The following CPNE4 variants were observed in gnomAD, a reference collection of about 807,000 sequenced individuals.
The protein encoded by CPNE4 is copine 4.
In CPNE4, 25 loss-of-function variants were observed where a neutral mutation model predicts 67.9. That is an observed-to-expected ratio of 0.37 (90% confidence interval 0.27 to 0.51). CPNE4 has a LOEUF of 0.51. Ranked by LOEUF, CPNE4 falls within the 20% of genes least tolerant of loss-of-function variation. The pLI is 0.93. For synonymous variants in CPNE4, 242 were observed against 244.9 expected (o/e 0.99, Z 0.11); for missense variants, 464 against 690.8 (o/e 0.67, Z 3.68).
At chr3:131,721,685 G>A (rs372865022) in intron 3 of CPNE4, among the ~76,000 whole-genome samples, 1 of 152,228 alleles carries the variant, frequency 6.6e-6, no homozygotes, top group South Asian at 2.1e-4. Context: ...GTGAGCCACC[G>A]CGCCTGGCCG....
At chr3:131,712,209 T>C (rs1426850659) in intron 3 of CPNE4, among the ~76,000 whole-genome samples, 1 of 152,236 alleles carries the variant, frequency 6.6e-6, no homozygotes, top group African/African-American at 2.4e-5. Flanking sequence ...ATGTTTTGCC[T>C]AACATTTATT....
chr3:131,626,304 C>T (rs1444900265), intron 7 of CPNE4, among the ~76,000 whole-genome samples: 1 of 152,144 alleles, frequency 6.6e-6, no homozygotes. Flanking sequence ...AGGCCTATTG[C>T]AACAAACGCT....
At chr3:131,807,608 A>T (rs1462358784) in intron 2 of CPNE4, among the ~76,000 whole-genome samples, 1 of 152,152 alleles carries the variant, frequency 6.6e-6, no homozygotes, top group African/African-American at 2.4e-5. Context: ...AGAAAAGTGA[A>T]ATCCCTGGGT....
At chr3:131,589,723 T>G (rs543898197) in intron 7 of CPNE4, among the ~76,000 whole-genome samples, 1 of 152,366 alleles carries the variant, frequency 6.6e-6, no homozygotes, top group East Asian at 1.9e-4. Context: ...CAAGAAAAAC[T>G]AATTTCTCAG....
intron 2 of CPNE4, among the ~76,000 whole-genome samples, chr3:131,866,324 T>C (rs2086949215): frequency 1.3e-5 from 2 of 152,210 alleles, no homozygotes; most frequent in African/African-American, 4.8e-5. Flanking sequence ...ATTCGTTTAG[T>C]GTACCACAAT....
chr3:131,687,127 C>T (rs1475688962), intron 5 of CPNE4, among the ~76,000 whole-genome samples: 1 of 152,184 alleles, frequency 6.6e-6, no homozygotes, highest in Non-Finnish European at 1.5e-5. Context: ...TCTACACTGC[C>T]TCAGGACTCT....
At chr3:131,865,590 T>C (rs2086907632) in intron 2 of CPNE4, among the ~76,000 whole-genome samples, 1 of 152,108 alleles carries the variant, frequency 6.6e-6, no homozygotes, top group Admixed American at 6.5e-5. Context: ...TGTGCCTGGC[T>C]CCTCCACTAA....
At chr3:131,813,003 A>C (rs2084596616) in intron 2 of CPNE4, among the ~76,000 whole-genome samples, 1 of 152,204 alleles carries the variant, frequency 6.6e-6, no homozygotes, top group Non-Finnish European at 1.5e-5. Context: ...ACTTATTCTG[A>C]GGTTAAAATC....
intron 2 of CPNE4, among the ~76,000 whole-genome samples, chr3:131,785,161 T>C (rs2083524633): frequency 6.6e-6 from 1 of 152,132 alleles, no homozygotes; most frequent in African/African-American, 2.4e-5. Context: ...TTAAATTATT[T>C]AATCCTTGCA....
chr3:131,654,141 T>C (rs55882570), intron 7 of CPNE4, among the ~76,000 whole-genome samples: 6,998 of 152,286 alleles, frequency 0.046, 194 homozygotes, highest in Non-Finnish European at 0.064. Flanking sequence ...CTAATATGAA[T>C]CCAAGGTTGA....
At chr3:131,920,741 G>A (rs2070720161) in intron 1 of CPNE4, among the ~76,000 whole-genome samples, 1 of 152,028 alleles carries the variant, frequency 6.6e-6, no homozygotes, top group African/African-American at 2.4e-5. Context: ...ATGATCTATG[G>A]TGTCATCTCA....
Position 131,564,311 on chromosome 3 carries a change from C to T in CPNE4, c.966G>A (p.Arg322=), listed in dbSNP as rs1342116487. 6.2e-7 allele frequency: 1 copy of T among 1,612,622 alleles called. No homozygotes were observed. Among genetic ancestry groups the T allele is most frequent in the Non-Finnish European group, 8.5e-7 (1 of 1,179,220 alleles). Residue 322 remains arginine, a synonymous_variant, in exon 11 of 16, where the codon AGG becomes AGA. Coordinates refer to ENST00000429747, the MANE Select transcript of CPNE4 (RefSeq NM_130808.3). ...GGATGTAGTGCAAGGAACAGCTGTT[C>T]CTGGGGTCCCCGTTTGAGGCAGTGA... The part of the protein sequence containing the change: ...IDFTASNGDP[R]NSCSLHYIHP...
At chr3:131,690,204 G>C (rs1370008189) in intron 5 of CPNE4, among the ~76,000 whole-genome samples, 1 of 152,040 alleles carries the variant, frequency 6.6e-6, no homozygotes, top group African/African-American at 2.4e-5. Flanking sequence ...AAATTCATAT[G>C]GAACAAAAAA....
chr3:131,574,929 C>A, intron 10 of CPNE4, 142 bp downstream of exon 10: 1 of 663,216 alleles, frequency 1.5e-6, no homozygotes, highest in Non-Finnish European at 2.7e-6. Flanking sequence ...AACACGATAC[C>A]ATACGCTTCA....
At chr3:131,850,220 T>C (rs2086182652) in intron 2 of CPNE4, among the ~76,000 whole-genome samples, 1 of 152,140 alleles carries the variant, frequency 6.6e-6, no homozygotes, top group African/African-American at 2.4e-5. Flanking sequence ...GTGCCTTCTC[T>C]TTCTAAAAAA....
chr3:131,876,071 T>C (rs1020195292), intron 2 of CPNE4, among the ~76,000 whole-genome samples: 1 of 151,982 alleles, frequency 6.6e-6, no homozygotes, highest in Non-Finnish European at 1.5e-5. Context: ...AATATTTATC[T>C]AGTTTATAAA....
At chr3:131,726,245 T>C (rs2081996537) in intron 2 of CPNE4, among the ~76,000 whole-genome samples, 1 of 152,228 alleles carries the variant, frequency 6.6e-6, no homozygotes, top group Non-Finnish European at 1.5e-5. Context: ...TTCTTCTAAC[T>C]TCTTGATTTT....
chr3:131,641,733 C>T (rs1037870943), intron 7 of CPNE4, among the ~76,000 whole-genome samples: 2 of 152,116 alleles, frequency 1.3e-5, no homozygotes, highest in Admixed American at 6.5e-5. Context: ...GCACAATTCG[C>T]AATTGCAAAA....
At chr3:132,004,959 CCTT>C (rs1583586443) in intron 1 of CPNE4, among the ~76,000 whole-genome samples, 3 of 152,058 alleles carry the variant, frequency 2.0e-5, no homozygotes, top group Admixed American at 2.0e-4. Context: ...ATTTTTCTCT[CCTT>C]CTGGGCGCAA....
Sources: gnomAD v4.1 joint callset for allele counts (sites outside exome capture counted in the v4.1 genomes callset) on GRCh38, gnomAD v4.1.1 for gene constraint, MANE v1.5 for transcripts, NCBI Gene and HGNC (gene_info 2026-07-23, HGNC 2026-07-21) for gene names.